Variants in EDIL3 observed in about 807,000 individuals in gnomAD.
EDIL3 encodes the protein EGF like and discoidin domains 3.
Under a neutral mutation model 67.4 loss-of-function variants are expected in EDIL3, and 37 were observed. The ratio of observed to expected loss-of-function variants is 0.55; its 90% confidence interval spans 0.42 to 0.72. The LOEUF (loss-of-function observed/expected upper bound fraction) is 0.72. EDIL3 is among the 30% of genes least tolerant of loss of function. The probability of loss-of-function intolerance (pLI) is 0.00; values close to 1 mark genes in which losing one functional copy is unlikely to be tolerated. For synonymous variants in EDIL3, 195 were observed against 196.3 expected (o/e 0.99, Z 0.05); for missense variants, 527 against 586.3 (o/e 0.90, Z 1.04).
intron 9 of EDIL3, among the ~76,000 whole-genome samples, chr5:84,010,985 G>C (rs1309472557): frequency 6.6e-6 from 1 of 152,092 alleles, no homozygotes; most frequent in Non-Finnish European, 1.5e-5. Context: ...ATGTAAAATG[G>C]GATGAAACAA....
chr5:83,997,420 G>A (rs1224881469), intron 9 of EDIL3, among the ~76,000 whole-genome samples: 1 of 152,014 alleles, frequency 6.6e-6, no homozygotes, highest in Non-Finnish European at 1.5e-5. Flanking sequence ...GAGTAAAGAG[G>A]GTTAAGAGGG....
intron 3 of EDIL3, among the ~76,000 whole-genome samples, chr5:84,219,384 T>C (rs888650033): frequency 1.3e-5 from 2 of 152,124 alleles, no homozygotes; most frequent in Non-Finnish European, 2.9e-5. Flanking sequence ...AGTAGGTCTA[T>C]GAAAAGGTGC....
intron 9 of EDIL3, among the ~76,000 whole-genome samples, chr5:84,030,683 C>A (rs1440733597): frequency 6.6e-6 from 1 of 152,236 alleles, no homozygotes. Flanking sequence ...ATTCTGAATT[C>A]TATAATAGCA....
chr5:84,384,419 C>T lies in EDIL3; in HGVS notation c.-45G>A, dbSNP rs1449083653. 17 of 1,607,876 alleles carry T rather than the reference C, an allele frequency of 1.1e-5. No homozygotes were observed. The highest frequency in any genetic ancestry group is 1.4e-5 in the Non-Finnish European group (17 of 1,176,178). Reference sequence around the variant, plus strand: ...GACCCCGGCTGGTCAGGGGTCGTCGCGGAGGGCAGTGTAGCCGAGGTGGCA... The same window carrying T: ...GACCCCGGCTGGTCAGGGGTCGTCGTGGAGGGCAGTGTAGCCGAGGTGGCA... On this transcript the variant is annotated 5_prime_UTR_variant, in exon 1 of 11. Transcript: ENST00000296591.
In EDIL3 at chr5:84,242,882, C is replaced by A. The variant is rs537819246; in HGVS notation, c.196+11202G>T. 3.6e-4 allele frequency among the ~76,000 whole-genome samples: 54 copies of A among 150,726 alleles called. 1 individual carries two copies. In the East Asian group the frequency reaches 8.4e-3, roughly 23 times the overall value. On this transcript the variant is annotated intron_variant, in intron 2 of 10. Coordinates refer to ENST00000296591, the MANE Select transcript of EDIL3 (RefSeq NM_005711.5). ...TAACCCTCCCCATATGTGTAACAGG[C>A]ACAGCTTAATTTGAACACAAGCACT... is the stretch of plus-strand genomic sequence containing the variant.
intron 1 of EDIL3, among the ~76,000 whole-genome samples, chr5:84,357,670 C>T (rs1185377247): frequency 6.6e-6 from 1 of 152,118 alleles, no homozygotes; most frequent in African/African-American, 2.4e-5. Context: ...AGGTGGATCA[C>T]TTGAGGTCAG....
At position 84,180,948 on chromosome 5, in the gene EDIL3, T is replaced by C. The variant is rs548670373; in HGVS notation, c.227-427A>G. ...CCTTCTGGGTGTTTAAAAAGTAATA[T>C]TGAATAGCAATTTCTGGAGTTGTAT... On this transcript the variant is annotated intron_variant, in intron 3 of 10. Coordinates refer to ENST00000296591, the MANE Select transcript of EDIL3 (RefSeq NM_005711.5). Among the ~76,000 whole-genome samples the C allele has an allele frequency of 4.4e-4, 67 of 152,320 alleles. 1 individual carries two copies. The South Asian group carries it at 0.013, about 29-fold the overall frequency.
intron 9 of EDIL3, among the ~76,000 whole-genome samples, chr5:84,036,196 G>T (rs1746019554): frequency 6.6e-6 from 1 of 152,192 alleles, no homozygotes; most frequent in Non-Finnish European, 1.5e-5. Context: ...CTCTTCTAGG[G>T]ATGGCAACAG....
At chr5:84,355,768 G>A (rs1005215697) in intron 1 of EDIL3, among the ~76,000 whole-genome samples, 1 of 152,164 alleles carries the variant, frequency 6.6e-6, no homozygotes, top group African/African-American at 2.4e-5. Flanking sequence ...AGGCATCAGG[G>A]ACCCACTTGA....
chr5:84,044,086 T>G (rs1248861122), intron 9 of EDIL3, among the ~76,000 whole-genome samples: 1 of 151,996 alleles, frequency 6.6e-6, no homozygotes, highest in Non-Finnish European at 1.5e-5. Flanking sequence ...GGCCCCTGTG[T>G]GTGATGTCCC....
intron 9 of EDIL3, among the ~76,000 whole-genome samples, chr5:84,010,715 C>T (rs1428690709): frequency 6.6e-6 from 1 of 152,154 alleles, no homozygotes; most frequent in Non-Finnish European, 1.5e-5. Flanking sequence ...ATTACAAATT[C>T]TATCATGTTC....
intron 1 of EDIL3, among the ~76,000 whole-genome samples, chr5:84,326,942 C>G: frequency 6.6e-6 from 1 of 151,762 alleles, no homozygotes; most frequent in East Asian, 1.9e-4. Flanking sequence ...TAGATGTACC[C>G]TCCTCTACTG....
At chr5:84,069,013 A>AT (rs1746690439) in intron 6 of EDIL3, among the ~76,000 whole-genome samples, 1 of 152,194 alleles carries the variant, frequency 6.6e-6, no homozygotes, top group Non-Finnish European at 1.5e-5. Flanking sequence ...TAAAATAACA[A>AT]TGGCTAAAAG....
intron 3 of EDIL3, among the ~76,000 whole-genome samples, chr5:84,193,101 TAAAAC>T (rs1743625609): frequency 6.6e-6 from 1 of 151,668 alleles, no homozygotes; most frequent in South Asian, 2.1e-4. Flanking sequence ...TTAAGAAAAA[TAAAAC>T]AAAACAAAAC....
chr5:84,099,615 C>A (rs192399438), intron 6 of EDIL3, among the ~76,000 whole-genome samples: 1 of 152,028 alleles, frequency 6.6e-6, no homozygotes, highest in Admixed American at 6.6e-5. Context: ...GACCTTAAAA[C>A]CATAAAAATC....
chr5:84,188,697 G>A, intron 3 of EDIL3, among the ~76,000 whole-genome samples: 1 of 151,896 alleles, frequency 6.6e-6, no homozygotes, highest in East Asian at 1.9e-4. Context: ...CAATTGGACT[G>A]GTGTCCTTAT....
rs1746522910 is a variant in EDIL3 at position 84,060,498 on chromosome 5, A to G, written c.953-14T>C. 6.2e-7 allele frequency: 1 copy of G among 1,612,554 alleles called. No homozygotes were observed. The highest frequency in any genetic ancestry group is 8.5e-7 in the Non-Finnish European group (1 of 1,179,444). ...GCTCAGAACAACCTGAAAGAAAATG[A>G]GAAGGGCTCCATGAGAAAAATAATT... On this transcript the variant is annotated splice_polypyrimidine_tract_variant and intron_variant, in intron 8 of 10. Transcript: ENST00000296591.
chr5:84,234,363 C>T (rs1744639654), intron 2 of EDIL3, among the ~76,000 whole-genome samples: 1 of 152,142 alleles, frequency 6.6e-6, no homozygotes, highest in Non-Finnish European at 1.5e-5. Flanking sequence ...CATACAGACT[C>T]TCCTTGACTT....
At chr5:84,259,066 TCTC>T (rs759494057) in intron 1 of EDIL3, among the ~76,000 whole-genome samples, 1 of 148,550 alleles carries the variant, frequency 6.7e-6, no homozygotes, top group Non-Finnish European at 1.5e-5. Flanking sequence ...TTCACGCTAT[TCTC>T]CTGTCTCAGC....
Sources: allele counts gnomAD v4.1 joint callset (sites outside exome capture counted in the v4.1 genomes callset), GRCh38; gene constraint gnomAD v4.1.1; transcripts MANE v1.5; gene names NCBI Gene and HGNC (gene_info 2026-07-23, HGNC 2026-07-21).